The following OPCML variants were observed in gnomAD, a reference collection of about 807,000 sequenced individuals.
OPCML encodes opioid binding protein/cell adhesion molecule like, also known as opioid-binding protein/cell adhesion molecule.
In OPCML, 13 loss-of-function variants were observed where a neutral mutation model predicts 37.8. The ratio of observed to expected loss-of-function variants is 0.34; its 90% CI spans 0.22 to 0.55. OPCML has a LOEUF of 0.55. Among genes scored for constraint, OPCML ranks in the 20% least tolerant of loss-of-function variants. The pLI is 0.91. For missense variants in OPCML, 341 were observed against 435.6 expected, an observed-to-expected ratio of 0.78 and a Z score of 1.93; for synonymous variants, 176 against 168.8, an observed-to-expected ratio of 1.04 and a Z score of -0.33.
chr11:132,590,269 C>A (rs903104838), intron 3 of OPCML, among the ~76,000 whole-genome samples: 2 of 151,998 alleles, frequency 1.3e-5, no homozygotes, highest in Admixed American at 1.3e-4. Context: ...TAACCTACTT[C>A]AAATATTTTT....
chr11:132,455,366 G>A (rs1463678921), intron 4 of OPCML, among the ~76,000 whole-genome samples: 1 of 152,108 alleles, frequency 6.6e-6, no homozygotes, highest in Non-Finnish European at 1.5e-5. Flanking sequence ...TAACTCAAAA[G>A]GTCACCTCCT....
chr11:133,155,649 G>A (rs1950050314), intron 1 of OPCML, among the ~76,000 whole-genome samples: 1 of 152,094 alleles, frequency 6.6e-6, no homozygotes, highest in Admixed American at 6.6e-5. Context: ...ACATCTATAT[G>A]TCTATATCCA....
intron 1 of OPCML, among the ~76,000 whole-genome samples, chr11:133,210,860 G>C (rs981836981): frequency 1.3e-5 from 2 of 152,098 alleles, no homozygotes; most frequent in African/African-American, 4.8e-5. Context: ...ATTAAATGTA[G>C]TGCCTGGTAC....
intron 1 of OPCML, among the ~76,000 whole-genome samples, chr11:133,381,080 G>A (rs1366098382): frequency 6.6e-6 from 1 of 152,254 alleles, no homozygotes; most frequent in African/African-American, 2.4e-5. Context: ...GAGGCAGCCT[G>A]GCAGCAGGGA....
At chr11:132,435,335 C>T in intron 7 of OPCML, 2 of 890,014 alleles carry the variant, frequency 2.2e-6, no homozygotes, top group Non-Finnish European at 1.6e-6. Flanking sequence ...GGATACCTCT[C>T]TTCATCCTTC....
intron 3 of OPCML, among the ~76,000 whole-genome samples, chr11:132,599,603 A>C (rs1937712471): frequency 6.6e-6 from 1 of 152,174 alleles, no homozygotes; most frequent in African/African-American, 2.4e-5. Flanking sequence ...GGTGGGCTCC[A>C]CTTGTTATCT....
intron 1 of OPCML, among the ~76,000 whole-genome samples, chr11:133,492,897 C>T (rs944956841): frequency 6.6e-6 from 1 of 152,032 alleles, no homozygotes; most frequent in Non-Finnish European, 1.5e-5. Context: ...CAGCACCATC[C>T]CTGTGGGAGT....
rs555530259 is a variant in OPCML at position 133,436,541 on chromosome 11, T to A, written c.61+95723A>T. Among the ~76,000 whole-genome samples, 57 of 152,326 alleles carry A rather than the reference T, an allele frequency of 3.7e-4. 1 individual carries two copies. The highest frequency in any genetic ancestry group is 1.3e-3 in the Admixed American group (20 of 15,308). On this transcript the variant is annotated intron_variant, in intron 1 of 7. Coordinates refer to ENST00000524381, the MANE Select transcript of OPCML (RefSeq NM_001012393.5). ...GGTTCTGGGCTGTTAAGCTCACAAA[T>A]GTGATCTCAGAGTCCAGCATCCCAC...
chr11:133,018,318 T>C (rs1947377323), intron 1 of OPCML, among the ~76,000 whole-genome samples: 1 of 152,192 alleles, frequency 6.6e-6, no homozygotes, highest in Admixed American at 6.5e-5. Flanking sequence ...GTGCAGTATA[T>C]ATGTATGTAT....
intron 3 of OPCML, among the ~76,000 whole-genome samples, chr11:132,560,381 T>G (rs1203059482): frequency 1.3e-5 from 2 of 152,222 alleles, no homozygotes; most frequent in African/African-American, 4.8e-5. Context: ...CAATATGTTT[T>G]TGGGTAACAG....
intron 1 of OPCML, among the ~76,000 whole-genome samples, chr11:133,130,975 A>C (rs983296672): frequency 2.0e-5 from 3 of 152,164 alleles, no homozygotes; most frequent in African/African-American, 7.2e-5. Context: ...ATCTATGTTG[A>C]AACCTAATTC....
At chr11:132,928,417 A>G (rs1181451162) in intron 2 of OPCML, among the ~76,000 whole-genome samples, 1 of 152,040 alleles carries the variant, frequency 6.6e-6, no homozygotes, top group Admixed American at 6.6e-5. Context: ...CCAATTTACC[A>G]ACAAGATACA....
At chr11:133,255,302 G>C (rs1941276102) in intron 1 of OPCML, among the ~76,000 whole-genome samples, 1 of 152,130 alleles carries the variant, frequency 6.6e-6, no homozygotes, top group Non-Finnish European at 1.5e-5. Context: ...ATATTTTACA[G>C]GGAAGGTCAG....
At chr11:132,470,069 A>G (rs2096133128) in intron 4 of OPCML, among the ~76,000 whole-genome samples, 1 of 152,118 alleles carries the variant, frequency 6.6e-6, no homozygotes, top group South Asian at 2.1e-4. Context: ...GCTCTCAGAC[A>G]ACATTTCAGG....
chr11:132,472,177 C>A (rs1225323634), intron 4 of OPCML, among the ~76,000 whole-genome samples: 1 of 152,212 alleles, frequency 6.6e-6, no homozygotes, highest in Non-Finnish European at 1.5e-5. Flanking sequence ...TACTTCTCTG[C>A]ACTTGGTGAA....
intron 3 of OPCML, among the ~76,000 whole-genome samples, chr11:132,646,494 C>T (rs1941158588): frequency 6.6e-6 from 1 of 152,002 alleles, no homozygotes; most frequent in South Asian, 2.1e-4. Flanking sequence ...ACTTAGACAA[C>T]ACTGTTAAAA....
At chr11:132,620,054 C>T (rs189184870) in intron 3 of OPCML, among the ~76,000 whole-genome samples, 6 of 152,196 alleles carry the variant, frequency 3.9e-5, no homozygotes, top group Admixed American at 2.6e-4. Flanking sequence ...TAGAGCATGC[C>T]TTTCTTTGAA....
chr11:132,529,460 A>T (rs1342564200), intron 3 of OPCML, among the ~76,000 whole-genome samples: 1 of 152,082 alleles, frequency 6.6e-6, no homozygotes, highest in African/African-American at 2.4e-5. Context: ...GTGACTGTTG[A>T]TTGAAAGGCA....
intron 1 of OPCML, among the ~76,000 whole-genome samples, chr11:133,059,301 G>A (rs532297103): frequency 1.3e-5 from 2 of 152,304 alleles, no homozygotes; most frequent in African/African-American, 4.8e-5. Flanking sequence ...TCATCTGGTG[G>A]TTCTTAGAGT....
Sources: gnomAD v4.1 joint callset for allele counts (sites outside exome capture counted in the v4.1 genomes callset) on GRCh38, gnomAD v4.1.1 for gene constraint, MANE v1.5 for transcripts, NCBI Gene and HGNC (gene_info 2026-07-23, HGNC 2026-07-21) for gene names.